Variants in TLN2 observed in about 807,000 individuals in gnomAD.
TLN2 encodes the protein talin-2.
In TLN2, 118 loss-of-function variants were observed where a neutral mutation model predicts 294.7. The observed-to-expected ratio is 0.40, with a 90% CI of 0.34 to 0.47. TLN2 has a LOEUF of 0.47. Ranked by LOEUF, TLN2 falls within the 20% of genes least tolerant of loss-of-function variation. TLN2 has a pLI of 0.84. For synonymous variants in TLN2, 1,431 were observed against 1,304.5 expected (o/e 1.10, Z -2.09); for missense variants, 3,083 against 3,282.2 (o/e 0.94, Z 1.48).
intron 45 of TLN2, among the ~76,000 whole-genome samples, chr15:62,791,949 C>G (rs2065102986): frequency 6.6e-6 from 1 of 152,144 alleles, no homozygotes; most frequent in South Asian, 2.1e-4. Context: ...GGCAAAGTAC[C>G]TTTTATAATC....
At chr15:62,654,361 C>G (rs2052949868) in intron 7 of TLN2, among the ~76,000 whole-genome samples, 1 of 152,160 alleles carries the variant, frequency 6.6e-6, no homozygotes, top group Admixed American at 6.5e-5. Flanking sequence ...GTGATGTGCA[C>G]TTCCATCAGG....
intron 1 of TLN2, 130 bp downstream of exon 1, chr15:62,390,815 C>T (rs973428433): frequency 1.3e-5 from 2 of 152,118 alleles, no homozygotes. Flanking sequence ...TTTTGCTTCT[C>T]GTGAGTGATG....
intron 1 of TLN2, among the ~76,000 whole-genome samples, chr15:62,582,229 CA>C (rs1353853876): frequency 1.5e-4 from 22 of 146,680 alleles, no homozygotes; most frequent in South Asian, 2.3e-4. Flanking sequence ...CACACACACA[CA>C]CACACACACA....
At chr15:62,533,971 C>T (rs2140504194) in intron 1 of TLN2, among the ~76,000 whole-genome samples, 1 of 152,280 alleles carries the variant, frequency 6.6e-6, no homozygotes, top group Non-Finnish European at 1.5e-5. Context: ...AAGAAGCAGT[C>T]ACTTGGCTCT....
At chr15:62,709,677 C>T (rs2141123636) in intron 21 of TLN2, among the ~76,000 whole-genome samples, 1 of 152,288 alleles carries the variant, frequency 6.6e-6, no homozygotes, top group Non-Finnish European at 1.5e-5. Flanking sequence ...CATCAAAATT[C>T]CCGAAATTCA....
chr15:62,408,586 G>A (rs896078597), intron 1 of TLN2, among the ~76,000 whole-genome samples: 3 of 152,124 alleles, frequency 2.0e-5, no homozygotes, highest in African/African-American at 7.2e-5. Flanking sequence ...CCATGTTCAG[G>A]ACCAATATCC....
intron 3 of TLN2, among the ~76,000 whole-genome samples, chr15:62,636,249 A>AATAG (rs57713976): frequency 0.24 from 36,104 of 149,954 alleles, 4,982 homozygotes; most frequent in East Asian, 0.47. Context: ...GGGATACTGT[A>AATAG]ATAGATAGAT....
intron 54 of TLN2, chr15:62,829,772 C>T (rs1433239143): frequency 6.6e-6 from 1 of 152,136 alleles, no homozygotes; most frequent in Non-Finnish European, 1.5e-5. Flanking sequence ...ATGAACCATC[C>T]CTACCTCCCA....
chr15:62,595,317 G>C (rs1041356241), intron 2 of TLN2, among the ~76,000 whole-genome samples: 12 of 151,716 alleles, frequency 7.9e-5, no homozygotes, highest in African/African-American at 1.9e-4. Context: ...CTACTTGGGA[G>C]GCTGAGGCAG....
rs1336310444 is a variant in TLN2, at chr15:62,742,028, T to G, written c.4025+1259T>G. Among the ~76,000 whole-genome samples the G allele has an allele frequency of 4.9e-4, 19 of 38,998 alleles. 1 individual carries two copies. Among genetic ancestry groups the G allele is most frequent in the Admixed American group, 3.6e-3 (19 of 5,234 alleles). The allele number at this position is 38,998 out of a possible 152,430, so 25.6% of individuals were successfully genotyped here. ...CTCCCTCTTGGCTTGTAGTGGGGTGTGTGTGTGTGTGTGTGTGTGTGTGTG... is the reference window on the plus strand; with the variant it reads ...CTCCCTCTTGGCTTGTAGTGGGGTGGGTGTGTGTGTGTGTGTGTGTGTGTG... On this transcript the variant is annotated intron_variant, in intron 32 of 58. Transcript: ENST00000636159.
At chr15:62,656,194 C>G in intron 8 of TLN2, 108 bp downstream of exon 8, 1 of 1,424,816 alleles carries the variant, frequency 7.0e-7, no homozygotes, top group Non-Finnish European at 9.6e-7. Flanking sequence ...ACATTTATGG[C>G]GTCGTTTCCA....
At position 62,763,570 on chromosome 15, in the gene TLN2, G is replaced by A; in HGVS notation, c.4969G>A (p.Ala1657Thr). The A allele has an allele frequency of 6.2e-7, 1 of 1,609,450 alleles. No individual in the cohort carries two copies. ...KSLITSIRDKAPGQRECDYSI... is the reference protein window; with the variant it reads ...KSLITSIRDKTPGQRECDYSI... ...TTGCACTATTCCTTCCAGGGACAAG[G>A]CCCCTGGACAGAGGGAGTGTGATTA... The change falls in exon 40 of 59, where the codon GCC (alanine) becomes ACC (threonine). Residue 1657 changes from alanine to threonine, a missense_variant. By Grantham distance (58) the Ala-to-Thr change is moderately conservative. Coordinates refer to ENST00000636159, the MANE Select transcript of TLN2 (RefSeq NM_015059.3).
chr15:62,492,530 C>T (rs1300361908), intron 1 of TLN2, among the ~76,000 whole-genome samples: 4 of 131,482 alleles, frequency 3.0e-5, no homozygotes, highest in African/African-American at 1.2e-4. Flanking sequence ...GGCGACAGAG[C>T]GAGACTCTGT....
chr15:62,583,265 GTTGCCTTTTTCTGAA>G (rs1181713102), intron 1 of TLN2, among the ~76,000 whole-genome samples: 1 of 152,152 alleles, frequency 6.6e-6, no homozygotes, highest in Non-Finnish European at 1.5e-5. Context: ...TTTTTGTAGA[GTTGCCTTTTTCTGAA>G]AAATGAATGC....
At position 62,689,846 on chromosome 15, in the gene TLN2, C is replaced by CTTTTTTTTTTTTTTTTTTTTTTTTTTT. The variant is rs1158144919; in HGVS notation, c.1114-2989_1114-2963dup. On this transcript the variant is annotated intron_variant, in intron 12 of 58. Coordinates refer to ENST00000636159, the MANE Select transcript of TLN2 (RefSeq NM_015059.3). ...TTTTCAAAATTCTTGGTATGGGCTT[C>CTTTTTTTTTTTTTTTTTTTTTTTTTTT]TTTTTTTTTTTTTTTTTTTTTTTTT... Among the ~76,000 whole-genome samples, 5 of 15,412 alleles carry CTTTTTTTTTTTTTTTTTTTTTTTTTTT rather than the reference C, an allele frequency of 3.2e-4. 2 individuals are homozygous for CTTTTTTTTTTTTTTTTTTTTTTTTTTT. Among genetic ancestry groups the CTTTTTTTTTTTTTTTTTTTTTTTTTTT allele is most frequent in the Admixed American group, 1.6e-3 (1 of 626 alleles). 10.1% of individuals were successfully genotyped at this position (15,412 alleles called of 152,430 possible).
chr15:62,435,013 T>C (rs1232655408), intron 1 of TLN2, among the ~76,000 whole-genome samples: 1 of 152,142 alleles, frequency 6.6e-6, no homozygotes, highest in Non-Finnish European at 1.5e-5. Flanking sequence ...GAACATGCAG[T>C]GTTTGGTTTT....
At chr15:62,654,338 G>A (rs1343441241) in intron 7 of TLN2, among the ~76,000 whole-genome samples, 1 of 152,126 alleles carries the variant, frequency 6.6e-6, no homozygotes, top group African/African-American at 2.4e-5. Flanking sequence ...TAATAAAGAT[G>A]CTTTCTTCAG....
chr15:62,644,335 T>C (rs1032302897), intron 3 of TLN2, among the ~76,000 whole-genome samples: 2 of 152,228 alleles, frequency 1.3e-5, no homozygotes, highest in East Asian at 3.9e-4. Flanking sequence ...CCTACCCCTG[T>C]GCCTCCTTTG....
In TLN2 at chr15:62,608,035, A is replaced by C. The variant is rs189811999; in HGVS notation, c.-161-10316A>C. ...GCGAAGGACATGTGTTGTATCTTTAATACTTTGGCGTATCTGAAGATTTGA... is the reference window on the plus strand; with the variant it reads ...GCGAAGGACATGTGTTGTATCTTTACTACTTTGGCGTATCTGAAGATTTGA... On this transcript the variant is annotated intron_variant, in intron 2 of 58. Coordinates refer to ENST00000636159, the MANE Select transcript of TLN2 (RefSeq NM_015059.3). Among the ~76,000 whole-genome samples, 500 of 152,300 alleles carry C rather than the reference A, an allele frequency of 3.3e-3. 4 individuals carry two copies. The highest frequency in any genetic ancestry group is 0.011 in the African/African-American group (476 of 41,552).
Sources: allele counts gnomAD v4.1 joint callset (sites outside exome capture counted in the v4.1 genomes callset), GRCh38; gene constraint gnomAD v4.1.1; transcripts MANE v1.5; gene names NCBI Gene and HGNC (gene_info 2026-07-23, HGNC 2026-07-21).